LRIG2: variants seen among roughly 807,000 people sequenced by gnomAD.
LRIG2 encodes leucine-rich repeats and immunoglobulin-like domains protein 2.
Under a neutral mutation model 107.8 loss-of-function variants are expected in LRIG2, and 93 were observed. The observed-to-expected ratio is 0.86, with a 90% CI of 0.73 to 1.03. The LOEUF (loss-of-function observed/expected upper bound fraction) is 1.03, where lower values mean the gene tolerates loss of function less well. LRIG2 is among the 50% of genes least tolerant of loss of function. The probability of loss-of-function intolerance (pLI) is 0.00; values close to 1 mark genes in which losing one functional copy is unlikely to be tolerated. For missense variants in LRIG2, 1,226 were observed against 1,296.0 expected (o/e 0.95, Z 0.83); for synonymous variants, 471 against 470.6 (o/e 1.00, Z -0.01).
At chr1:113,089,795 T>G (rs1291446778) in intron 1 of LRIG2, among the ~76,000 whole-genome samples, 3 of 148,126 alleles carry the variant, frequency 2.0e-5, no homozygotes. Context: ...AGGGTTCAAG[T>G]GATTCTCCTG....
intron 1 of LRIG2, among the ~76,000 whole-genome samples, chr1:113,084,276 C>A (rs1653440426): frequency 7.1e-6 from 1 of 139,990 alleles, no homozygotes; most frequent in Admixed American, 7.8e-5. Flanking sequence ...AGTGCAGTGG[C>A]GCAATCTCGG....
intron 17 of LRIG2, 130 bp from the exon 18 acceptor site, chr1:113,123,745 G>T (rs1212386287): frequency 7.6e-6 from 5 of 661,000 alleles, no homozygotes; most frequent in South Asian, 1.8e-5. Flanking sequence ...GTGTGTGTGT[G>T]TGTGTGTGTG....
At chr1:113,118,959 C>T (rs12063585) in intron 16 of LRIG2, among the ~76,000 whole-genome samples, 65 of 152,254 alleles carry the variant, frequency 4.3e-4, no homozygotes, top group Admixed American at 1.0e-3. Context: ...CCACCGCACC[C>T]GGTAGCGGTA....
chr1:113,111,308 T>A (rs1023802587), intron 13 of LRIG2, among the ~76,000 whole-genome samples: 1 of 152,246 alleles, frequency 6.6e-6, no homozygotes, highest in African/African-American at 2.4e-5. Context: ...AGTATTCGGA[T>A]TACAGGCATG....
At chr1:113,121,017 C>T (rs1570777063) in intron 17 of LRIG2, among the ~76,000 whole-genome samples, 1 of 151,138 alleles carries the variant, frequency 6.6e-6, no homozygotes, top group African/African-American at 2.4e-5. Context: ...GGGGTTTCAC[C>T]ATGTTGTCCA....
chr1:113,107,829 A>G (rs1318210521), intron 12 of LRIG2, 72 bp downstream of exon 12: 25 of 1,371,176 alleles, frequency 1.8e-5, no homozygotes, highest in Non-Finnish European at 2.3e-5. Flanking sequence ...AAATTAAACC[A>G]GAATGGTTTT....
intron 11 of LRIG2, chr1:113,100,727 A>G (rs1654271424): frequency 5.4e-6 from 2 of 370,884 alleles, no homozygotes; most frequent in African/African-American, 4.0e-5. Context: ...CAATGCTTAT[A>G]ATTAGGAGAC....
Position 113,095,944 on chromosome 1 carries a change from C to T in LRIG2, c.874C>T (p.Leu292Phe). Residue 292 changes from leucine to phenylalanine, a missense_variant, in exon 7 of 18, where the codon CTC becomes TTC. Around this residue, in one of 3 missense-constraint regions of LRIG2, gnomAD observed 570 missense variants for 550.2 expected, o/e 1.04. Coordinates refer to ENST00000361127, the MANE Select transcript of LRIG2 (RefSeq NM_014813.3). The part of the protein sequence containing the change: ...WLYGLRMLQQ[L>F]YVSQNAIERI... Reference sequence around the variant, plus strand: ...GTATGGCTTGCGAATGTTACAGCAGCTCTATGTGAGCCAGAATGCTATTGA... The same window carrying T: ...GTATGGCTTGCGAATGTTACAGCAGTTCTATGTGAGCCAGAATGCTATTGA... The T allele has an allele frequency of 6.2e-7, 1 of 1,614,178 alleles. No homozygotes were observed. The highest frequency in any genetic ancestry group is 8.5e-7 in the Non-Finnish European group (1 of 1,180,032).
intron 12 of LRIG2, among the ~76,000 whole-genome samples, chr1:113,108,391 T>A (rs1221351643): frequency 6.6e-6 from 1 of 151,294 alleles, no homozygotes; most frequent in African/African-American, 2.4e-5. Context: ...ACCTGGCTAA[T>A]TTTTGTATGT....
intron 8 of LRIG2, among the ~76,000 whole-genome samples, chr1:113,097,695 G>A (rs1457863668): frequency 6.6e-6 from 1 of 152,186 alleles, no homozygotes; most frequent in Non-Finnish European, 1.5e-5. Context: ...AAATGGTTGT[G>A]TAGTGCCACA....
Position 113,119,358 on chromosome 1 carries a change from A to G in LRIG2, c.2806A>G (p.Ser936Gly). The G allele has an allele frequency of 6.2e-7, 1 of 1,614,104 alleles. No individual in the cohort carries two copies. Among genetic ancestry groups the G allele is most frequent in the Non-Finnish European group, 8.5e-7 (1 of 1,180,014 alleles). Residue 936 changes from serine to glycine, a missense_variant, in exon 17 of 18, where the codon AGC becomes GGC. By Grantham distance (56) the Ser-to-Gly change is moderately conservative. Coordinates refer to ENST00000361127, the MANE Select transcript of LRIG2 (RefSeq NM_014813.3). ...GGACGTTCTTGATCAGACACTGTCC[A>G]GCCTCATGGTCCAAATGCCTAAAGA... is the stretch of plus-strand genomic sequence containing the variant. ...EEDVLDQTLS[S>G]LMVQMPKETY...
intron 1 of LRIG2, among the ~76,000 whole-genome samples, chr1:113,081,818 C>T (rs866561660): frequency 6.6e-5 from 10 of 152,176 alleles, no homozygotes; most frequent in Non-Finnish European, 7.3e-5. Context: ...CTGTGCTCGG[C>T]CTCCAGCCAC....
intron 17 of LRIG2, among the ~76,000 whole-genome samples, chr1:113,121,728 G>T (rs377014361): frequency 2.0e-5 from 3 of 151,258 alleles, no homozygotes; most frequent in Non-Finnish European, 4.4e-5. Flanking sequence ...AGACATCAGG[G>T]TGAGACTCTG....
chr1:113,081,706 A>T (rs746690993), intron 1 of LRIG2, among the ~76,000 whole-genome samples: 2 of 152,056 alleles, frequency 1.3e-5, no homozygotes, highest in African/African-American at 4.8e-5. Context: ...TTTTTAGTAG[A>T]GATGGGGTTT....
rs778239765 is a variant in LRIG2, at chr1:113,096,034, AT to A, written c.947+20del. 1 of 1,613,952 alleles carries A rather than the reference AT, an allele frequency of 6.2e-7. No homozygotes were observed. On this transcript the variant is annotated intron_variant, in intron 7 of 17. Transcript: ENST00000361127. ...ATCCGAACTGTAAGTGTTGGATAGC[AT>A]TTCACTGGAGGCAGTTAAGACTAGA...
At chr1:113,079,318 A>T (rs1165624210) in intron 1 of LRIG2, among the ~76,000 whole-genome samples, 3 of 145,614 alleles carry the variant, frequency 2.1e-5, no homozygotes, top group African/African-American at 7.6e-5. Context: ...GCTGTACTCC[A>T]GCCTGGGAGA....
chr1:113,114,387 T>G, intron 14 of LRIG2, 40 bp from the exon 15 acceptor site: 1 of 1,417,246 alleles, frequency 7.1e-7, no homozygotes, highest in Admixed American at 2.2e-5. Flanking sequence ...TAAAATTGCC[T>G]AACTTTTCAT....
chr1:113,122,497 A>G (rs990191655), intron 17 of LRIG2, among the ~76,000 whole-genome samples: 2 of 152,250 alleles, frequency 1.3e-5, no homozygotes, highest in African/African-American at 4.8e-5. Context: ...AAAGAAATGC[A>G]TCAACAGTAA....
At chr1:113,107,557 A>G in intron 11 of LRIG2, 37 bp from the exon 12 acceptor site, 10 of 1,590,674 alleles carry the variant, frequency 6.3e-6, no homozygotes, top group Middle Eastern at 1.7e-4. Flanking sequence ...AATGAAAAGT[A>G]AAACAAAGGA....
Sources: allele counts gnomAD v4.1 joint callset (sites outside exome capture counted in the v4.1 genomes callset), GRCh38; gene constraint gnomAD v4.1.1; regional missense constraint gnomAD v4.1.1; transcripts MANE v1.5; gene names NCBI Gene and HGNC (gene_info 2026-07-23, HGNC 2026-07-21).